Variants in FRK observed in about 807,000 individuals in gnomAD.
FRK encodes tyrosine-protein kinase FRK.
In FRK, 51 loss-of-function variants were observed where a neutral mutation model predicts 56.4. The observed-to-expected ratio is 0.90, with a 90% CI of 0.72 to 1.14. FRK has a LOEUF of 1.14. Among genes scored for constraint, FRK ranks in the 50% most tolerant of loss-of-function variants. The pLI is 0.00. For synonymous variants in FRK, 245 were observed against 217.9 expected (o/e 1.12, Z -1.10); for missense variants, 570 against 601.4 (o/e 0.95, Z 0.55).
At chr6:116,002,484 GC>G (rs1228640191) in intron 2 of FRK, among the ~76,000 whole-genome samples, 1 of 152,170 alleles carries the variant, frequency 6.6e-6, no homozygotes, top group Non-Finnish European at 1.5e-5. Context: ...AGGCATAGTG[GC>G]ACGCGCCTGT....
chr6:116,096,941 C>A, the FRK span, among the ~76,000 whole-genome samples: 2 of 152,216 alleles, frequency 1.3e-5, no homozygotes, highest in African/African-American at 4.8e-5. Context: ...CTGGAAGGAA[C>A]CAACTACGGA....
chr6:116,043,777 C>CA (rs1376126195), intron 1 of FRK, among the ~76,000 whole-genome samples: 4 of 151,902 alleles, frequency 2.6e-5, no homozygotes, highest in Non-Finnish European at 5.9e-5. Context: ...AAAAACCCTT[C>CA]AAAAAATCAA....
intron 1 of FRK, among the ~76,000 whole-genome samples, chr6:116,005,599 A>G (rs934134567): frequency 6.6e-6 from 1 of 152,236 alleles, no homozygotes; most frequent in Admixed American, 6.5e-5. Flanking sequence ...TGCTGCATTG[A>G]GTCAGTATCA....
At chr6:116,041,271 CTG>C (rs1363387172) in intron 1 of FRK, among the ~76,000 whole-genome samples, 4 of 152,178 alleles carry the variant, frequency 2.6e-5, no homozygotes, top group Non-Finnish European at 5.9e-5. Context: ...TGAAATGTCA[CTG>C]TATTCTCTGG....
intron 5 of FRK, among the ~76,000 whole-genome samples, chr6:115,944,923 T>G (rs1440874894): frequency 1.3e-5 from 2 of 151,864 alleles, no homozygotes; most frequent in Non-Finnish European, 2.9e-5. Context: ...TTCCCCTCTA[T>G]GTGGGTGAAC....
intron 1 of FRK, among the ~76,000 whole-genome samples, chr6:116,046,631 G>C (rs549151761): frequency 3.3e-5 from 5 of 152,180 alleles, no homozygotes; most frequent in African/African-American, 7.2e-5. Context: ...GGGCCTGCAG[G>C]GGGGTAGGGG....
At chr6:116,093,469 T>C in the FRK span, among the ~76,000 whole-genome samples, 1 of 152,230 alleles carries the variant, frequency 6.6e-6, no homozygotes, top group Admixed American at 6.5e-5. Context: ...ATGCTATTGT[T>C]AGATCAAACC....
chr6:115,938,495 TAG>T lies in FRK; in HGVS notation c.*3917_*3918del, dbSNP rs1484387041. ...AAGATCAGAACAGAACTGAAGGTGA[TAG>T]AGACATGAAAAACCTTTCAAAAAAT... On this transcript the variant is annotated 3_prime_UTR_variant, in exon 8 of 8. Transcript: ENST00000606080. The T allele has an allele frequency of 6.6e-6, 1 of 152,132 alleles. No homozygotes were observed. The highest frequency in any genetic ancestry group is 1.5e-5 in the Non-Finnish European group (1 of 68,008). The allele number at this position is 152,132 out of a possible 1,614,324, so 9.4% of individuals were successfully genotyped here.
chr6:116,049,337 T>C (rs1273689057), intron 1 of FRK, among the ~76,000 whole-genome samples: 1 of 152,210 alleles, frequency 6.6e-6, no homozygotes, highest in East Asian at 1.9e-4. Flanking sequence ...TTGTACTGAA[T>C]TGTTCATCTC....
intron 1 of FRK, among the ~76,000 whole-genome samples, chr6:116,033,198 A>T (rs1776358641): frequency 6.6e-6 from 1 of 152,156 alleles, no homozygotes; most frequent in African/African-American, 2.4e-5. Flanking sequence ...CATCAGCACA[A>T]GCTAATTAAA....
the FRK span, among the ~76,000 whole-genome samples, chr6:116,100,016 A>G: frequency 1.3e-5 from 2 of 152,234 alleles, no homozygotes; most frequent in Non-Finnish European, 2.9e-5. Flanking sequence ...TGCATCTAAA[A>G]TGGTAGTAGT....
chr6:115,937,587 T>C lies in FRK; in HGVS notation c.*4827A>G, dbSNP rs761560153. On this transcript the variant is annotated 3_prime_UTR_variant, in exon 8 of 8. Coordinates refer to ENST00000606080, the MANE Select transcript of FRK (RefSeq NM_002031.3). ...CTGTATTCAGGAGACCCATCTCACA[T>C]GCAAAGAGACACACAGGCTCAAGAT... 1 of 151,876 alleles carries C rather than the reference T, an allele frequency of 6.6e-6. No homozygotes were observed. Among genetic ancestry groups the C allele is most frequent in the Non-Finnish European group, 1.5e-5 (1 of 67,996 alleles). The allele number at this position is 151,876 out of a possible 1,614,324, so 9.4% of individuals were successfully genotyped here.
chr6:115,959,486 A>T (rs1448331230), intron 4 of FRK, among the ~76,000 whole-genome samples: 1 of 152,198 alleles, frequency 6.6e-6, no homozygotes. Flanking sequence ...GTTTAAAAGC[A>T]TATACACAGT....
At chr6:116,000,750 A>G (rs923951111) in intron 2 of FRK, among the ~76,000 whole-genome samples, 1 of 152,212 alleles carries the variant, frequency 6.6e-6, no homozygotes, top group Non-Finnish European at 1.5e-5. Context: ...TACCATGAAA[A>G]TACTCAAATA....
At chr6:116,053,989 G>T (rs1161412284) in intron 1 of FRK, among the ~76,000 whole-genome samples, 1 of 151,772 alleles carries the variant, frequency 6.6e-6, no homozygotes, top group Non-Finnish European at 1.5e-5. Context: ...TGAATTGGTT[G>T]CTCTTTTCTT....
chr6:116,038,785 G>A (rs1374703749), intron 1 of FRK: 4 of 497,522 alleles, frequency 8.0e-6, no homozygotes, highest in South Asian at 1.6e-5. Flanking sequence ...TCGTTGGGGG[G>A]AACTGGAAGA....
intron 5 of FRK, among the ~76,000 whole-genome samples, chr6:115,955,199 T>C (rs1011454699): frequency 6.6e-6 from 1 of 151,792 alleles, no homozygotes; most frequent in African/African-American, 2.4e-5. Flanking sequence ...GGAAATCCCA[T>C]AGGTTGAAAA....
intron 1 of FRK, among the ~76,000 whole-genome samples, chr6:116,034,091 T>C (rs886099431): frequency 1.3e-5 from 2 of 152,096 alleles, no homozygotes; most frequent in African/African-American, 4.8e-5. Flanking sequence ...GGCCAGGTCA[T>C]GGGATGAATG....
At chr6:116,097,024 A>G in the FRK span, among the ~76,000 whole-genome samples, 2 of 152,214 alleles carry the variant, frequency 1.3e-5, no homozygotes, top group Admixed American at 6.5e-5. Context: ...AAAAAACCAC[A>G]GTGAAATTTC....
Sources: gnomAD v4.1 joint callset for allele counts (sites outside exome capture counted in the v4.1 genomes callset) on GRCh38, gnomAD v4.1.1 for gene constraint, MANE v1.5 for transcripts, NCBI Gene and HGNC (gene_info 2026-07-23, HGNC 2026-07-21) for gene names.